The following SSR3 variants were observed in gnomAD, a reference collection of about 807,000 sequenced individuals.
SSR3 encodes the protein translocon-associated protein subunit gamma.
A neutral mutation model predicts 22.1 loss-of-function variants in SSR3; 10 were observed. The ratio of observed to expected loss-of-function variants is 0.45; its 90% CI spans 0.28 to 0.77. The LOEUF is 0.77. Ranked by LOEUF, SSR3 falls within the 30% of genes least tolerant of loss-of-function variation. SSR3 has a pLI of 0.13. For synonymous variants in SSR3, 104 were observed against 82.5 expected, an observed-to-expected ratio of 1.26 and a Z score of -1.42; for missense variants, 181 against 220.5, an observed-to-expected ratio of 0.82 and a Z score of 1.13.
chr3:156,545,949 C>T (rs1719744147), intron 3 of SSR3, among the ~76,000 whole-genome samples: 1 of 152,152 alleles, frequency 6.6e-6, no homozygotes, highest in African/African-American at 2.4e-5. Flanking sequence ...GGCATGAGAC[C>T]CAGTGAAGTC....
rs755281489 is a variant in SSR3 at position 156,555,067 on chromosome 3, T to C, written c.23A>G (p.Lys8Arg). The C allele has an allele frequency of 1.9e-6, 3 of 1,613,766 alleles. No individual in the cohort carries two copies. In the African/African-American group the frequency reaches 4.0e-5, roughly 22 times the overall value. The change falls in exon 1 of 5, where the codon AAA (lysine) becomes AGA (arginine). Residue 8 changes from lysine (K) to arginine (R), a missense_variant. By Grantham distance (26) the Lys-to-Arg change is conservative (BLOSUM62 2). Coordinates refer to ENST00000265044, the MANE Select transcript of SSR3 (RefSeq NM_007107.5). MAPKGSS[K>R]QQSEEDLLLQ... ...GAGCAGGTCCTCCTCAGACTGCTGT[T>C]TGGAGCTGCCTTTAGGAGCCATGGC...
chr3:156,550,281 T>G (rs12631297), intron 2 of SSR3, among the ~76,000 whole-genome samples: 63,465 of 152,078 alleles, frequency 0.42, 13,264 homozygotes, highest in African/African-American at 0.43. Context: ...AACTATCAAG[T>G]TGTTAGCACA....
chr3:156,544,349 A>C lies in SSR3; in HGVS notation c.450T>G (p.Ile150Met). Residue 150 changes from isoleucine to methionine, a missense_variant, in exon 4 of 5, where the codon ATT (isoleucine) becomes ATG (methionine). By Grantham distance (10) the Ile-to-Met change is conservative. Coordinates refer to ENST00000265044, the MANE Select transcript of SSR3 (RefSeq NM_007107.5). ...YNNTLFLVVVIVASFFILKNF... is the reference protein window; with the variant it reads ...YNNTLFLVVVMVASFFILKNF... ...TCTTCAATATGAAGAAGGAAGCAAC[A>C]ATGACCACGACCAGGAACAGAGTGT... The C allele has an allele frequency of 6.3e-7, 1 of 1,596,496 alleles. No individual in the cohort carries two copies. The highest frequency in any genetic ancestry group is 1.3e-5 in the African/African-American group (1 of 74,402).
rs111258639 is a variant in SSR3 at position 156,543,116 on chromosome 3, G to C, written c.*87C>G. 1.7e-6 allele frequency: 2 copies of C among 1,143,312 alleles called. No homozygotes were observed. Among genetic ancestry groups the C allele is most frequent in the Non-Finnish European group, 2.6e-6 (2 of 777,548 alleles). The allele number at this position is 1,143,312 out of a possible 1,614,324, so 70.8% of individuals were successfully genotyped here. A position where few individuals can be genotyped will look rare whatever the true frequency, so the allele number is the denominator to read the frequency against. ...AGGCTCTAGACTATAAAAACATCTT[G>C]TGTCTCCCACCCTGACCACCCTGCT... On this transcript the variant is annotated 3_prime_UTR_variant, in exon 5 of 5. Coordinates refer to ENST00000265044, the MANE Select transcript of SSR3 (RefSeq NM_007107.5).
intron 4 of SSR3, among the ~76,000 whole-genome samples, chr3:156,543,685 A>G (rs111691501): frequency 3.7e-3 from 568 of 152,344 alleles, no homozygotes; most frequent in Middle Eastern, 0.017. Flanking sequence ...AGGAGGTTCT[A>G]AAAGTTCGAA....
intron 1 of SSR3, 66 bp from the exon 2 acceptor site, chr3:156,553,847 C>A (rs1720054950): frequency 2.0e-6 from 3 of 1,492,544 alleles, no homozygotes; most frequent in Admixed American, 4.4e-5. Flanking sequence ...GCAACAAAAG[C>A]CTGCGAAATT....
At chr3:156,552,934 A>G (rs1720014718) in intron 2 of SSR3, among the ~76,000 whole-genome samples, 2 of 152,214 alleles carry the variant, frequency 1.3e-5, no homozygotes, top group Non-Finnish European at 2.9e-5. Context: ...TTTCTTCTCT[A>G]AAAGCTGTAT....
chr3:156,552,327 T>G (rs534445921), intron 2 of SSR3, among the ~76,000 whole-genome samples: 1 of 146,414 alleles, frequency 6.8e-6, no homozygotes, highest in African/African-American at 2.5e-5. Context: ...AAAGCCATGA[T>G]GAGTTGTTAT....
intron 3 of SSR3, 57 bp from the exon 4 acceptor site, chr3:156,544,496 A>G (rs1719689781): frequency 1.4e-6 from 2 of 1,417,796 alleles, no homozygotes; most frequent in Non-Finnish European, 9.4e-7. Context: ...AAAAACTTTT[A>G]AGTACCATAT....
rs998710070 is a variant in SSR3 at position 156,542,832 on chromosome 3, A to T, written c.*371T>A. On this transcript the variant is annotated 3_prime_UTR_variant, in exon 5 of 5. Transcript: ENST00000265044. The stretch of plus-strand genomic sequence containing the variant: ...GAAGTTGTAATATTGTGCTTGGAAC[A>T]CAGAGAACCAGTTATTAACTTCCTA... 5.2e-6 allele frequency: 1 copy of T among 192,628 alleles called. No individual in the cohort carries two copies. The highest frequency in any genetic ancestry group is 1.0e-5 in the Non-Finnish European group (1 of 95,268). The allele number at this position is 192,628 out of a possible 1,614,324, so 11.9% of individuals were successfully genotyped here.
rs1306509423 is a variant in SSR3, at chr3:156,540,271, A to G, written c.*2932T>C. On this transcript the variant is annotated 3_prime_UTR_variant, in exon 5 of 5. Transcript: ENST00000265044. ...AAATTATCCTTTCCAAGTTTCAATA[A>G]TATGGCAAATAGGACAACCAGTAAA... 6.6e-6 allele frequency: 1 copy of G among 152,208 alleles called. No individual in the cohort carries two copies. The highest frequency in any genetic ancestry group is 1.5e-5 in the Non-Finnish European group (1 of 68,032). The allele number at this position is 152,208 out of a possible 1,614,324, so 9.4% of individuals were successfully genotyped here.
At chr3:156,547,128 TGAAAA>T (rs1398278178) in intron 3 of SSR3, among the ~76,000 whole-genome samples, 2 of 152,130 alleles carry the variant, frequency 1.3e-5, no homozygotes, top group Non-Finnish European at 2.9e-5. Flanking sequence ...TTTCTACCAA[TGAAAA>T]GAAGAGAAAT....
At chr3:156,550,396 C>T (rs1435273418) in intron 2 of SSR3, among the ~76,000 whole-genome samples, 1 of 152,216 alleles carries the variant, frequency 6.6e-6, no homozygotes, top group Non-Finnish European at 1.5e-5. Context: ...GAAGACATTA[C>T]ACCAGATAAC....
At chr3:156,549,026 A>G (rs1213803718) in intron 2 of SSR3, 23 bp from the exon 3 acceptor site, 6 of 1,601,340 alleles carry the variant, frequency 3.7e-6, no homozygotes, top group Non-Finnish European at 5.1e-6. Context: ...GAAAAAAAGA[A>G]AAAGTTTCCA....
At chr3:156,549,142 A>C in intron 2 of SSR3, 139 bp from the exon 3 acceptor site, 1 of 921,806 alleles carries the variant, frequency 1.1e-6, no homozygotes, top group Non-Finnish European at 1.5e-6. Context: ...AGCTGAGCAG[A>C]AAGTTCCAAG....
intron 2 of SSR3, among the ~76,000 whole-genome samples, chr3:156,553,306 C>T (rs942611342): frequency 2.6e-5 from 4 of 152,110 alleles, no homozygotes; most frequent in Admixed American, 6.6e-5. Flanking sequence ...AAAAATAGTA[C>T]GTGAAGAGCC....
chr3:156,553,618 CAT>C, intron 2 of SSR3, 35 bp downstream of exon 2: 1 of 1,590,498 alleles, frequency 6.3e-7, no homozygotes, highest in South Asian at 1.1e-5. Context: ...AAAAATATAA[CAT>C]GTAGTACGTA....
chr3:156,549,414 T>C (rs954339217), intron 2 of SSR3, among the ~76,000 whole-genome samples: 4 of 152,204 alleles, frequency 2.6e-5, no homozygotes, highest in Non-Finnish European at 2.9e-5. Flanking sequence ...TCCAAGTACA[T>C]AACAGGAGCG....
chr3:156,554,346 C>T (rs1268553200), intron 1 of SSR3, among the ~76,000 whole-genome samples: 1 of 152,214 alleles, frequency 6.6e-6, no homozygotes, highest in Non-Finnish European at 1.5e-5. Context: ...CTACTAAAAA[C>T]GACCTTGTCC....
Sources: allele counts gnomAD v4.1 joint callset (sites outside exome capture counted in the v4.1 genomes callset), GRCh38; gene constraint gnomAD v4.1.1; transcripts MANE v1.5; gene names NCBI Gene and HGNC (gene_info 2026-07-23, HGNC 2026-07-21).